LSAMP: variants seen among roughly 807,000 people sequenced by gnomAD.
LSAMP encodes limbic system-associated membrane protein.
Under a neutral mutation model 38.6 loss-of-function variants are expected in LSAMP, and 7 were observed. The observed-to-expected ratio is 0.18, with a 90% CI of 0.10 to 0.34. The LOEUF is 0.34. LSAMP is among the 10% of genes least tolerant of loss of function. The probability of loss-of-function intolerance (pLI) is 1.00; values close to 1 mark genes in which losing one functional copy is unlikely to be tolerated. For missense variants in LSAMP, 313 were observed against 420.0 expected (o/e 0.75, Z 2.23); for synonymous variants, 154 against 166.8 (o/e 0.92, Z 0.59).
At chr3:115,972,910 A>G (rs1576272151) in intron 3 of LSAMP, among the ~76,000 whole-genome samples, 1 of 149,914 alleles carries the variant, frequency 6.7e-6, no homozygotes, top group Non-Finnish European at 1.5e-5. Context: ...TGAATTATAT[A>G]TTATTAATAT....
intron 1 of LSAMP, among the ~76,000 whole-genome samples, chr3:116,139,505 G>T (rs538632996): frequency 1.3e-5 from 2 of 151,996 alleles, no homozygotes; most frequent in South Asian, 4.2e-4. Context: ...AATTTTAACC[G>T]TATCTCTTCA....
At chr3:116,255,419 A>G (rs1044303078) in intron 1 of LSAMP, among the ~76,000 whole-genome samples, 5 of 152,178 alleles carry the variant, frequency 3.3e-5, no homozygotes, top group Admixed American at 6.5e-5. Flanking sequence ...AGCAGACACA[A>G]TGCAGGAGTC....
At position 116,216,459 on chromosome 3, in the gene LSAMP, G is replaced by A. The variant is rs189359571; in HGVS notation, c.156-129903C>T. On this transcript the variant is annotated intron_variant, in intron 1 of 6. Transcript: ENST00000490035. ...TTGATCAAATTAGTCTATTTTTCCT[G>A]AAAGTACTGCTACTCTTACATGTAA... Among the ~76,000 whole-genome samples the A allele has an allele frequency of 5.5e-4, 83 of 152,052 alleles. No individual in the cohort carries two copies. The Middle Eastern group carries it at 0.014, about 25-fold the overall frequency.
At chr3:116,101,916 T>C (rs1374591757) in intron 1 of LSAMP, among the ~76,000 whole-genome samples, 1 of 152,010 alleles carries the variant, frequency 6.6e-6, no homozygotes, top group Non-Finnish European at 1.5e-5. Context: ...TTTTAATCCA[T>C]ACTCAATGTC....
At chr3:115,971,403 C>G (rs1195876643) in intron 3 of LSAMP, among the ~76,000 whole-genome samples, 1 of 152,108 alleles carries the variant, frequency 6.6e-6, no homozygotes, top group Admixed American at 6.5e-5. Flanking sequence ...TTTATCTTAT[C>G]TTTAAAAGCC....
intron 1 of LSAMP, among the ~76,000 whole-genome samples, chr3:116,296,559 G>T (rs949178002): frequency 1.3e-5 from 2 of 151,916 alleles, no homozygotes; most frequent in East Asian, 3.9e-4. Flanking sequence ...GGTGGGTGCC[G>T]TGGCGGGCGC....
intron 6 of LSAMP, chr3:115,816,768 C>A: frequency 2.3e-6 from 1 of 440,018 alleles, no homozygotes; most frequent in Non-Finnish European, 4.0e-6. Flanking sequence ...GAGGAAAGAA[C>A]ATTTTAATAG....
At chr3:116,290,489 T>C (rs1048045785) in intron 1 of LSAMP, among the ~76,000 whole-genome samples, 3 of 151,972 alleles carry the variant, frequency 2.0e-5, no homozygotes, top group African/African-American at 4.8e-5. Flanking sequence ...CCCAGCACTT[T>C]GGGAGGCCGA....
At chr3:116,140,869 T>C (rs967756219) in intron 1 of LSAMP, among the ~76,000 whole-genome samples, 3 of 151,882 alleles carry the variant, frequency 2.0e-5, no homozygotes, top group African/African-American at 7.2e-5. Context: ...CAAAGGAAAT[T>C]CAGGTTTCTG....
intron 1 of LSAMP, among the ~76,000 whole-genome samples, chr3:116,222,850 C>T (rs561507571): frequency 7.7e-4 from 115 of 149,808 alleles, no homozygotes; most frequent in African/African-American, 2.7e-3. Context: ...ATTCTCCTGC[C>T]TCAGCCTCCC....
intron 1 of LSAMP, among the ~76,000 whole-genome samples, chr3:116,399,900 C>A (rs2048816257): frequency 6.6e-6 from 1 of 152,168 alleles, no homozygotes; most frequent in Non-Finnish European, 1.5e-5. Flanking sequence ...AGACTGTATT[C>A]AGAGTGCTGG....
intron 1 of LSAMP, among the ~76,000 whole-genome samples, chr3:116,105,654 G>A (rs1367280375): frequency 6.6e-6 from 1 of 152,150 alleles, no homozygotes; most frequent in African/African-American, 2.4e-5. Flanking sequence ...AAATCACAAT[G>A]GTGGAATGTC....
intron 1 of LSAMP, among the ~76,000 whole-genome samples, chr3:116,221,996 GTTC>G (rs764269936): frequency 0.019 from 2,949 of 152,038 alleles, 102 homozygotes; most frequent in East Asian, 0.13. Flanking sequence ...TTATGAGCTG[GTTC>G]TGAGAAGCCA....
rs150762158 is a variant in LSAMP, at chr3:115,932,838, T to C, written c.515-80221A>G. Among the ~76,000 whole-genome samples the C allele has an allele frequency of 4.4e-3, 664 of 152,242 alleles. 5 individuals are homozygous for C. The highest frequency in any genetic ancestry group is 0.015 in the African/African-American group (619 of 41,554). On this transcript the variant is annotated intron_variant, in intron 3 of 6. Coordinates refer to ENST00000490035, the MANE Select transcript of LSAMP (RefSeq NM_002338.5). ...CAATTCCTAATGATGTTCAAGTAAC[T>C]CAATAAATAAGAGAGTAATGGCCAA... is the stretch of plus-strand genomic sequence containing the variant.
At chr3:116,410,119 C>A (rs2048951576) in intron 1 of LSAMP, among the ~76,000 whole-genome samples, 1 of 152,052 alleles carries the variant, frequency 6.6e-6, no homozygotes, top group African/African-American at 2.4e-5. Flanking sequence ...CAATTTTCAG[C>A]ACATTAAGAT....
At chr3:115,904,977 T>C (rs1410135186) in intron 3 of LSAMP, among the ~76,000 whole-genome samples, 1 of 152,044 alleles carries the variant, frequency 6.6e-6, no homozygotes, top group African/African-American at 2.4e-5. Context: ...ATTATAACAG[T>C]TTGTTTTCCT....
rs115685040 is a variant in LSAMP at position 116,414,909 on chromosome 3, G to A, written c.155+29968C>T. On this transcript the variant is annotated intron_variant, in intron 1 of 6. Transcript: ENST00000490035. ...TTCCTACAGGCCCTTCACTCTGCTT[G>A]CTCCCAAGCCTGAGCAAGCAATAAA... Among the ~76,000 whole-genome samples, 1,349 of 152,010 alleles carry A rather than the reference G, an allele frequency of 8.9e-3. 21 individuals carry two copies. Among genetic ancestry groups the A allele is most frequent in the African/African-American group, 0.031 (1,281 of 41,440 alleles).
At chr3:116,009,323 C>T (rs767829752) in intron 3 of LSAMP, among the ~76,000 whole-genome samples, 3 of 152,096 alleles carry the variant, frequency 2.0e-5, no homozygotes, top group Non-Finnish European at 4.4e-5. Context: ...CAGGCCCCAC[C>T]CAGACCCACT....
intron 3 of LSAMP, 107 bp downstream of exon 3, chr3:116,019,408 C>T: frequency 1.5e-6 from 2 of 1,365,534 alleles, no homozygotes; most frequent in Non-Finnish European, 2.0e-6. Flanking sequence ...AACAGAATTT[C>T]AATTCTGATT....
Sources: allele counts gnomAD v4.1 joint callset (sites outside exome capture counted in the v4.1 genomes callset), GRCh38; gene constraint gnomAD v4.1.1; transcripts MANE v1.5; gene names NCBI Gene and HGNC (gene_info 2026-07-23, HGNC 2026-07-21).